CTNS: variants seen among roughly 807,000 people sequenced by gnomAD.
The protein encoded by CTNS is cystinosin, lysosomal cystine transporter, also known as cystinosin.
A neutral mutation model predicts 43.7 loss-of-function variants in CTNS; 27 were observed. The ratio of observed to expected loss-of-function variants is 0.62; its 90% CI spans 0.46 to 0.85. The LOEUF (loss-of-function observed/expected upper bound fraction) is 0.85. Ranked by LOEUF, CTNS falls within the 40% of genes least tolerant of loss-of-function variation. CTNS has a pLI of 0.00. For synonymous variants in CTNS, 187 were observed against 190.6 expected (o/e 0.98, Z 0.16); for missense variants, 457 against 475.4 (o/e 0.96, Z 0.36).
chr17:3,647,552 G>T, intron 4 of CTNS, 30 bp downstream of exon 4: 1 of 1,604,192 alleles, frequency 6.2e-7, no homozygotes, highest in Non-Finnish European at 8.5e-7. Context: ...GCTGTGCTCA[G>T]CTCCGCTCAG....
Position 3,648,891 on chromosome 17 carries a change from T to A in CTNS, c.185T>A (p.Phe62Tyr). The A allele has an allele frequency of 6.2e-7, 1 of 1,614,078 alleles. No individual in the cohort carries two copies. The highest frequency in any genetic ancestry group is 8.5e-7 in the Non-Finnish European group (1 of 1,179,924). Residue 62 changes from phenylalanine (F) to tyrosine (Y), a missense_variant, in exon 5 of 12, where the codon TTT becomes TAT. Phe to Tyr is a conservative substitution (Grantham distance 22). Coordinates refer to ENST00000046640, the MANE Select transcript of CTNS (RefSeq NM_004937.3). The stretch of plus-strand genomic sequence containing the variant: ...CTGGTGATCACTTTTGAAATCACAT[T>A]TCGTTCCAAAAATATTACTATCCTT... Reference protein sequence around the residue: ...ATLVITFEITFRSKNITILEL... With the variant: ...ATLVITFEITYRSKNITILEL...
At chr17:3,657,565 A>C in intron 9 of CTNS, 2 of 257,104 alleles carry the variant, frequency 7.8e-6, no homozygotes, top group Non-Finnish European at 7.6e-6. Flanking sequence ...GGGAAAGGCA[A>C]GGCGAGGGGA....
intron 5 of CTNS, among the ~76,000 whole-genome samples, chr17:3,649,656 C>T (rs1288328424): frequency 2.0e-5 from 3 of 152,134 alleles, no homozygotes; most frequent in African/African-American, 4.8e-5. Flanking sequence ...TGAGACACCA[C>T]TGGTTGGGTG....
At chr17:3,650,034 CA>C (rs949775818) in intron 5 of CTNS, 128 of 1,334,626 alleles carry the variant, frequency 9.6e-5, no homozygotes, top group South Asian at 1.4e-4. Context: ...GTAACAACAA[CA>C]AAAAAAAGAT....
chr17:3,660,946 T>G lies in CTNS; in HGVS notation c.*577T>G. Reference sequence around the variant, plus strand: ...CCGTGACTGCAGTAACAGCCAGCCCTACCCAGAGTATTTCTGAGCCATGAG... The same window carrying G: ...CCGTGACTGCAGTAACAGCCAGCCCGACCCAGAGTATTTCTGAGCCATGAG... On this transcript the variant is annotated 3_prime_UTR_variant, in exon 12 of 12. Transcript: ENST00000046640. 1 of 687,342 alleles carries G rather than the reference T, an allele frequency of 1.5e-6. No individual in the cohort carries two copies. The highest frequency in any genetic ancestry group is 2.4e-6 in the Non-Finnish European group (1 of 408,452). 42.6% of individuals were successfully genotyped at this position (687,342 alleles called of 1,614,324 possible).
chr17:3,658,214 G>T, intron 10 of CTNS, 39 bp downstream of exon 10: 30 of 1,610,292 alleles, frequency 1.9e-5, no homozygotes, highest in Non-Finnish European at 2.5e-5. Flanking sequence ...GGTGGCAGGA[G>T]AGGTGAGAGC....
At chr17:3,658,948 C>G (rs1052031787) in intron 10 of CTNS, among the ~76,000 whole-genome samples, 2 of 150,752 alleles carry the variant, frequency 1.3e-5, no homozygotes, top group Admixed American at 1.3e-4. Flanking sequence ...AGCTGGGAAG[C>G]TGGGGTCAGG....
At chr17:3,655,574 G>C in intron 7 of CTNS, 2 of 452,496 alleles carry the variant, frequency 4.4e-6, no homozygotes, top group African/African-American at 2.0e-5. Flanking sequence ...GGGAAAGCAG[G>C]AAAACAGGGA....
In CTNS at chr17:3,637,154, G is replaced by T. The variant is rs1567691340; in HGVS notation, c.-182G>T. The T allele has an allele frequency of 6.6e-6, 1 of 152,274 alleles. No homozygotes were observed. The highest frequency in any genetic ancestry group is 1.5e-5 in the Non-Finnish European group (1 of 68,110). The allele number at this position is 152,274 out of a possible 1,614,324, so 9.4% of individuals were successfully genotyped here. A position where few individuals can be genotyped will look rare whatever the true frequency, so the allele number is the denominator to read the frequency against. ...AACCTTTGCGAGAGCGCCGGTTGAC[G>T]TGCGGAGTGCGGGGCTCCGGGGGAC... On this transcript the variant is annotated 5_prime_UTR_variant, in exon 2 of 12. Transcript: ENST00000046640.
At chr17:3,657,064 C>G in intron 9 of CTNS, 1 of 504,174 alleles carries the variant, frequency 2.0e-6, no homozygotes, top group South Asian at 2.0e-5. Flanking sequence ...AGTGCAAGGC[C>G]CTGAGCCCTG....
chr17:3,652,695 T>C (rs541813368), intron 5 of CTNS, among the ~76,000 whole-genome samples: 193 of 152,294 alleles, frequency 1.3e-3, no homozygotes, highest in African/African-American at 4.5e-3. Flanking sequence ...AATCGACTGA[T>C]TTTCTCCCTG....
At chr17:3,659,835 G>C in intron 10 of CTNS, 23 bp from the exon 11 acceptor site, 5 of 1,586,314 alleles carry the variant, frequency 3.2e-6, no homozygotes, top group Middle Eastern at 1.7e-4. Context: ...CCCTCCGTCT[G>C]TCTGTCCGTC....
At chr17:3,636,548 G>A (rs2075534002), upstream of CTNS, 3 of 299,498 alleles carry the variant, frequency 1.0e-5, no homozygotes, top group Admixed American at 1.0e-4. Context: ...GAGTCTCTGT[G>A]TCCCTGGCAG....
At position 3,655,255 on chromosome 17, in the gene CTNS, G is replaced by A. The variant is rs187396540; in HGVS notation, c.364G>A (p.Ala122Thr). 3.9e-4 allele frequency: 624 copies of A among 1,614,166 alleles called. 6 individuals carry two copies. In the South Asian group the frequency reaches 5.5e-3, roughly 14 times the overall value. ...RIRFLVIRSS[A>T]ISIINQVIGW... The stretch of plus-strand genomic sequence containing the variant: ...ACGCTTTCTTGTGATCCGCAGCAGC[G>A]CCATTAGCATCATAAACCAGGTGAT... The change falls in exon 7 of 12, where the codon GCC (alanine) becomes ACC (threonine). Residue 122 changes from alanine (A) to threonine (T), a missense_variant. Transcript: ENST00000046640.
At chr17:3,654,862 G>T in intron 5 of CTNS, 136 bp from the exon 6 acceptor site, 1 of 768,636 alleles carries the variant, frequency 1.3e-6, no homozygotes, top group Non-Finnish European at 2.4e-6. Flanking sequence ...CTCTCCTTTT[G>T]CTTAGTAAGC....
At chr17:3,637,499 C>T (rs2075561266) in intron 2 of CTNS, among the ~76,000 whole-genome samples, 183 bp downstream of exon 2, 1 of 150,788 alleles carries the variant, frequency 6.6e-6, no homozygotes, top group Non-Finnish European at 1.5e-5. Flanking sequence ...AGTCTGCAGC[C>T]TCTGTCACCC....
intron 9 of CTNS, 130 bp downstream of exon 9, chr17:3,656,925 G>A: frequency 1.4e-6 from 2 of 1,459,444 alleles, no homozygotes; most frequent in East Asian, 2.4e-5. Context: ...TCCTGTGCTG[G>A]GCATAGAAGA....
intron 9 of CTNS, among the ~76,000 whole-genome samples, chr17:3,657,111 G>A (rs1003443417): frequency 6.6e-6 from 1 of 152,128 alleles, no homozygotes; most frequent in African/African-American, 2.4e-5. Context: ...AGGGAGGAGG[G>A]AGGAGGGCAC....
chr17:3,636,551 C>T (rs1417163542), upstream of CTNS: 1 of 294,038 alleles, frequency 3.4e-6, no homozygotes, highest in Non-Finnish European at 6.4e-6. Context: ...TCTCTGTGTC[C>T]CTGGCAGCGG....
Sources: allele counts gnomAD v4.1 joint callset (sites outside exome capture counted in the v4.1 genomes callset), GRCh38; gene constraint gnomAD v4.1.1; transcripts MANE v1.5; gene names NCBI Gene and HGNC (gene_info 2026-07-23, HGNC 2026-07-21).